Variants in PTPN9 observed in about 807,000 individuals in gnomAD.
PTPN9 encodes protein tyrosine phosphatase non-receptor type 9, also known as tyrosine-protein phosphatase non-receptor type 9.
A neutral mutation model predicts 69.8 loss-of-function variants in PTPN9; 26 were observed. The ratio of observed to expected loss-of-function variants is 0.37; its 90% CI spans 0.27 to 0.52. The LOEUF is 0.52. PTPN9 is among the 20% of genes least tolerant of loss of function. The pLI, the probability that PTPN9 is intolerant of heterozygous loss-of-function variation, is 0.91. For synonymous variants in PTPN9, 274 were observed against 272.5 expected (o/e 1.01, Z -0.05); for missense variants, 549 against 740.3 (o/e 0.74, Z 3.00).
intron 1 of PTPN9, among the ~76,000 whole-genome samples, chr15:75,551,112 T>A (rs918747060): frequency 4.6e-5 from 7 of 152,146 alleles, no homozygotes; most frequent in South Asian, 2.1e-4. Context: ...TTTAAAAAAA[T>A]TTTTTTCAGA....
At position 75,468,712 on chromosome 15, in the gene PTPN9, C is replaced by G. The variant is rs564963023; in HGVS notation, c.*57G>C. The G allele has an allele frequency of 2.0e-6, 3 of 1,489,066 alleles. No homozygotes were observed. Among genetic ancestry groups the G allele is most frequent in the Non-Finnish European group, 2.8e-6 (3 of 1,078,646 alleles). The allele number at this position is 1,489,066 out of a possible 1,614,324, so 92.2% of individuals were successfully genotyped here. A position where few individuals can be genotyped will look rare whatever the true frequency, so the allele number is the denominator to read the frequency against. ...AACTGATGGCAACCTATAGGCTCAG[C>G]GGTGTCCAGGGTAGTTTAAGGAAGG... On this transcript the variant is annotated 3_prime_UTR_variant, in exon 13 of 13. Transcript: ENST00000618819.
chr15:75,546,808 A>T (rs1199401322), intron 1 of PTPN9, among the ~76,000 whole-genome samples: 1 of 152,126 alleles, frequency 6.6e-6, no homozygotes, highest in Non-Finnish European at 1.5e-5. Context: ...CAGACTAAGG[A>T]GAAATACTAG....
intron 7 of PTPN9, among the ~76,000 whole-genome samples, chr15:75,494,335 A>C (rs998004828): frequency 1.3e-5 from 2 of 152,020 alleles, no homozygotes; most frequent in African/African-American, 2.4e-5. Context: ...ACCTACACTA[A>C]GGCACATCAT....
At chr15:75,508,004 T>C (rs1244457181) in intron 6 of PTPN9, among the ~76,000 whole-genome samples, 2 of 131,038 alleles carry the variant, frequency 1.5e-5, no homozygotes, top group Non-Finnish European at 3.0e-5. Flanking sequence ...ATCGTGCCAC[T>C]GCACTCCAGC....
At chr15:75,520,480 AGATG>A (rs149649956) in intron 4 of PTPN9, among the ~76,000 whole-genome samples, 9,920 of 95,620 alleles carry the variant, frequency 0.1, 525 homozygotes, top group African/African-American at 0.21. Context: ...ATAGATAGAT[AGATG>A]TGTGTGTGTT....
chr15:75,487,585 G>GATA (rs1466115521), intron 8 of PTPN9: 2 of 152,146 alleles, frequency 1.3e-5, no homozygotes, highest in African/African-American at 4.8e-5. Flanking sequence ...CAACAAAATG[G>GATA]ATAAATACAG....
chr15:75,479,510 A>G (rs1300674282), intron 9 of PTPN9, among the ~76,000 whole-genome samples: 3 of 152,162 alleles, frequency 2.0e-5, no homozygotes, highest in Non-Finnish European at 2.9e-5. Flanking sequence ...GCCTCTCACT[A>G]GACAGGAAGA....
chr15:75,528,965 G>A (rs1045915897), intron 1 of PTPN9, among the ~76,000 whole-genome samples: 1 of 151,658 alleles, frequency 6.6e-6, no homozygotes, highest in African/African-American at 2.4e-5. Context: ...CATTCCCAAA[G>A]AGCTGGGATT....
intron 1 of PTPN9, among the ~76,000 whole-genome samples, chr15:75,559,826 AATGAAT>A (rs2075096417): frequency 6.6e-6 from 1 of 151,976 alleles, no homozygotes; most frequent in South Asian, 2.1e-4. Flanking sequence ...AAAAGAAAAA[AATGAAT>A]ATTTTTTTCT....
At chr15:75,573,168 C>A (rs183177886) in intron 1 of PTPN9, among the ~76,000 whole-genome samples, 82 of 152,284 alleles carry the variant, frequency 5.4e-4, no homozygotes, top group African/African-American at 1.9e-3. Context: ...ATGGCTACAT[C>A]ACTTGTTAAC....
Position 75,569,810 on chromosome 15 carries a change from C to G in PTPN9, c.63+8904G>C, listed in dbSNP as rs1026509713. Among the ~76,000 whole-genome samples the G allele has an allele frequency of 2.0e-5, 3 of 151,762 alleles. No homozygotes were observed. The South Asian group carries it at 6.2e-4, about 32-fold the overall frequency. On this transcript the variant is annotated intron_variant, in intron 1 of 12. Coordinates refer to ENST00000618819, the MANE Select transcript of PTPN9 (RefSeq NM_002833.4). ...CACTTAATATTCACAAAACTAAAGTCCAAGACCCTTGTGCTCAGAATTTTT... is the reference window on the plus strand; with the variant it reads ...CACTTAATATTCACAAAACTAAAGTGCAAGACCCTTGTGCTCAGAATTTTT...
Position 75,527,291 on chromosome 15 carries a change from G to A in PTPN9, c.64-30C>T, listed in dbSNP as rs745445747. 7 of 1,610,720 alleles carry A rather than the reference G, an allele frequency of 4.3e-6. No homozygotes were observed. The African/African-American group carries it at 8.0e-5, about 18-fold the overall frequency. ...TTGACAAAGAAAGAAAGAATAATTA[G>A]TAAGAAGAGAGCATATTTATGGAGT... On this transcript the variant is annotated intron_variant, in intron 1 of 12. Coordinates refer to ENST00000618819, the MANE Select transcript of PTPN9 (RefSeq NM_002833.4).
At chr15:75,497,333 T>C (rs916299086) in intron 7 of PTPN9, among the ~76,000 whole-genome samples, 2 of 150,776 alleles carry the variant, frequency 1.3e-5, no homozygotes, top group African/African-American at 4.9e-5. Flanking sequence ...CTACAAAAAC[T>C]TCAAAAAAAT....
chr15:75,509,475 G>A (rs2074835744), intron 5 of PTPN9, among the ~76,000 whole-genome samples: 1 of 152,164 alleles, frequency 6.6e-6, no homozygotes, highest in Non-Finnish European at 1.5e-5. Context: ...GATCACCAGA[G>A]GTTGGGAGTT....
chr15:75,476,040 G>A (rs1208047962), intron 9 of PTPN9, among the ~76,000 whole-genome samples: 1 of 152,172 alleles, frequency 6.6e-6, no homozygotes, highest in Non-Finnish European at 1.5e-5. Context: ...TCAGGAGACT[G>A]AGGTGAGAGG....
chr15:75,549,524 C>A (rs191904433), intron 1 of PTPN9, among the ~76,000 whole-genome samples: 1 of 152,198 alleles, frequency 6.6e-6, no homozygotes, highest in Admixed American at 6.5e-5. Flanking sequence ...AAAAAGGGAA[C>A]AATCTGAAGA....
chr15:75,578,818 G>A lies in PTPN9; in HGVS notation c.-42C>T. ...CCGGGCGGACAAAACTCGCTCGCGA[G>A]CGCGGGAGCCCGGCGCGCTCGGCCT... On this transcript the variant is annotated 5_prime_UTR_variant, in exon 1 of 13. Transcript: ENST00000618819. 1 of 1,193,358 alleles carries A rather than the reference G, an allele frequency of 8.4e-7. No individual in the cohort carries two copies. The highest frequency in any genetic ancestry group is 4.5e-5 in the Admixed American group (1 of 22,422). The allele number at this position is 1,193,358 out of a possible 1,614,324, so 73.9% of individuals were successfully genotyped here.
intron 8 of PTPN9, among the ~76,000 whole-genome samples, chr15:75,483,231 A>C (rs1264390732): frequency 6.6e-6 from 1 of 152,252 alleles, no homozygotes; most frequent in Non-Finnish European, 1.5e-5. Flanking sequence ...ACTCCTTAGC[A>C]AAATAACATA....
At chr15:75,567,925 G>A (rs1223718417) in intron 1 of PTPN9, among the ~76,000 whole-genome samples, 1 of 151,858 alleles carries the variant, frequency 6.6e-6, no homozygotes, top group Non-Finnish European at 1.5e-5. Flanking sequence ...TAACCCGGGA[G>A]GTGGAGCTTG....
Sources: allele counts gnomAD v4.1 joint callset (sites outside exome capture counted in the v4.1 genomes callset), GRCh38; gene constraint gnomAD v4.1.1; transcripts MANE v1.5; gene names NCBI Gene and HGNC (gene_info 2026-07-23, HGNC 2026-07-21).